SCAPER: variants seen among roughly 807,000 people sequenced by gnomAD.
SCAPER encodes S phase cyclin A-associated protein in the endoplasmic reticulum.
SCAPER carries 98 observed loss-of-function variants against 182.2 expected under a neutral mutation model. The ratio of observed to expected loss-of-function variants is 0.54; its 90% CI spans 0.46 to 0.64. The LOEUF is 0.64. SCAPER is among the 30% of genes least tolerant of loss of function. The probability of loss-of-function intolerance (pLI) is 0.00; values close to 1 mark genes in which losing one functional copy is unlikely to be tolerated. For missense variants in SCAPER, 1,432 were observed against 1,690.0 expected, an observed-to-expected ratio of 0.85 and a Z score of 2.68; for synonymous variants, 605 against 564.6, an observed-to-expected ratio of 1.07 and a Z score of -1.01.
intron 23 of SCAPER, among the ~76,000 whole-genome samples, chr15:76,517,428 C>T (rs1261059259): frequency 1.3e-5 from 2 of 150,846 alleles, no homozygotes; most frequent in East Asian, 3.9e-4. Flanking sequence ...TGACTCACTG[C>T]AACCTCTGCC....
At chr15:76,513,670 T>C (rs157788) in intron 23 of SCAPER, among the ~76,000 whole-genome samples, 18,448 of 152,094 alleles carry the variant, frequency 0.12, 1,528 homozygotes, top group African/African-American at 0.24. Context: ...CTGATTACAT[T>C]TCTGGATGGC....
At chr15:76,862,005 T>C (rs2071915317) in intron 3 of SCAPER, 1 of 152,860 alleles carries the variant, frequency 6.5e-6, no homozygotes, top group South Asian at 2.1e-4. Context: ...ACTCACTCAC[T>C]GTCACGAGAA....
At position 76,837,230 on chromosome 15, in the gene SCAPER, A is replaced by G. The variant is rs574254315; in HGVS notation, c.393+4504T>C. ...GCCCCAATTAAAAAATGGGCAAAGGACATGGACACTTCTCAAACAAAGACA... is the reference window on the plus strand; with the variant it reads ...GCCCCAATTAAAAAATGGGCAAAGGGCATGGACACTTCTCAAACAAAGACA... On this transcript the variant is annotated intron_variant, in intron 5 of 31. Coordinates refer to ENST00000563290, the MANE Select transcript of SCAPER (RefSeq NM_020843.4). Among the ~76,000 whole-genome samples, 7 of 152,308 alleles carry G rather than the reference A, an allele frequency of 4.6e-5. No homozygotes were observed. The East Asian group carries it at 1.3e-3, about 29-fold the overall frequency.
At chr15:76,777,310 C>T (rs966828064) in intron 8 of SCAPER, among the ~76,000 whole-genome samples, 1 of 152,086 alleles carries the variant, frequency 6.6e-6, no homozygotes, top group Non-Finnish European at 1.5e-5. Context: ...AAGGCATTCA[C>T]AGATAAAAGA....
chr15:76,705,231 A>T (rs2059187465), intron 18 of SCAPER, among the ~76,000 whole-genome samples: 1 of 152,048 alleles, frequency 6.6e-6, no homozygotes, highest in Non-Finnish European at 1.5e-5. Flanking sequence ...AAAAATGATG[A>T]GTTCATGTCC....
At position 76,703,003 on chromosome 15, in the gene SCAPER, C is replaced by A; in HGVS notation, c.2248-1G>T. 6.5e-7 allele frequency: 1 copy of A among 1,541,310 alleles called. No homozygotes were observed. On this transcript the variant is annotated splice_acceptor_variant, in intron 18 of 31. Transcript: ENST00000563290. LOFTEE classifies it high-confidence loss of function. ...TGTGCCTTCGAATACTTTCATCATG[C>A]TGTAGATGAAGTCAAAGTGCAAGAA...
At chr15:76,724,288 G>T (rs1176980353) in intron 17 of SCAPER, among the ~76,000 whole-genome samples, 1 of 152,152 alleles carries the variant, frequency 6.6e-6, no homozygotes, top group African/African-American at 2.4e-5. Flanking sequence ...TTTCTGCCGA[G>T]AGATCAGCTG....
intron 24 of SCAPER, among the ~76,000 whole-genome samples, chr15:76,481,976 G>C (rs964058903): frequency 6.6e-6 from 1 of 152,140 alleles, no homozygotes; most frequent in Non-Finnish European, 1.5e-5. Context: ...TTGGAAGTTG[G>C]ATCCGGAGGC....
At chr15:76,619,994 C>T (rs886077668) in intron 22 of SCAPER, among the ~76,000 whole-genome samples, 49 of 152,146 alleles carry the variant, frequency 3.2e-4, no homozygotes, top group African/African-American at 1.1e-3. Context: ...AAGAATTGCC[C>T]GAACCTGGGA....
intron 20 of SCAPER, among the ~76,000 whole-genome samples, chr15:76,689,777 AT>A (rs1392838125): frequency 1.3e-5 from 2 of 152,028 alleles, no homozygotes; most frequent in Non-Finnish European, 2.9e-5. Context: ...TGCTTACAAG[AT>A]TATAAAATGC....
Position 76,413,152 on chromosome 15 carries a change from T to C in SCAPER, c.3312-8473A>G, listed in dbSNP as rs143037190. On this transcript the variant is annotated intron_variant, in intron 26 of 31. Coordinates refer to ENST00000563290, the MANE Select transcript of SCAPER (RefSeq NM_020843.4). The stretch of plus-strand genomic sequence containing the variant: ...TTTCTTGGTAGATTACATAGTTTTC[T>C]ATACGTGCAATCATGAGACTGCAAA... Among the ~76,000 whole-genome samples, 10 of 152,326 alleles carry C rather than the reference T, an allele frequency of 6.6e-5. No individual in the cohort carries two copies. The East Asian group carries it at 1.7e-3, about 26-fold the overall frequency.
At position 76,561,021 on chromosome 15, in the gene SCAPER, A is replaced by AT. The variant is rs955259456; in HGVS notation, c.2838+13136dup. Among the ~76,000 whole-genome samples, 272 of 150,000 alleles carry AT rather than the reference A, an allele frequency of 1.8e-3. 2 individuals are homozygous for AT. The highest frequency in any genetic ancestry group is 4.2e-4 in the South Asian group (2 of 4,784). On this transcript the variant is annotated intron_variant, in intron 23 of 31. Coordinates refer to ENST00000563290, the MANE Select transcript of SCAPER (RefSeq NM_020843.4). ...GATCCATACACGGGCAATTTCTCTCATTTTTTTTTAGTGTCATTATTTCCG... is the reference window on the plus strand; with the variant it reads ...GATCCATACACGGGCAATTTCTCTCATTTTTTTTTTAGTGTCATTATTTCCG...
chr15:76,428,103 A>G (rs1362344105), intron 26 of SCAPER, among the ~76,000 whole-genome samples: 1 of 152,168 alleles, frequency 6.6e-6, no homozygotes, highest in Non-Finnish European at 1.5e-5. Context: ...AAACAAAACA[A>G]AACAAAACAA....
chr15:76,412,245 T>C (rs1196688750), intron 26 of SCAPER, among the ~76,000 whole-genome samples: 2 of 152,156 alleles, frequency 1.3e-5, no homozygotes, highest in Non-Finnish European at 2.9e-5. Flanking sequence ...TGGGGTTATA[T>C]GATACTGTAC....
chr15:76,371,467 G>T (rs568752457), intron 29 of SCAPER, among the ~76,000 whole-genome samples: 1 of 151,820 alleles, frequency 6.6e-6, no homozygotes, highest in Non-Finnish European at 1.5e-5. Flanking sequence ...TTATAGGCGT[G>T]TGCCACCACG....
intron 20 of SCAPER, among the ~76,000 whole-genome samples, chr15:76,682,264 T>TCCCCCCCCCCCCCCCCCCCCCCC (rs573661987): frequency 7.7e-6 from 1 of 130,518 alleles, no homozygotes; most frequent in Admixed American, 7.6e-5. Context: ...TCACCTCCCT[T>TCCCCCCCCCCCCCCCCCCCCCCC]CCCCCCCCCA....
chr15:76,637,090 C>T (rs548399491), intron 21 of SCAPER, among the ~76,000 whole-genome samples: 5 of 152,046 alleles, frequency 3.3e-5, no homozygotes, highest in African/African-American at 9.7e-5. Flanking sequence ...GCAGCCACCA[C>T]CACCACCACC....
rs527830336 is a variant in SCAPER at position 76,404,311 on chromosome 15, C to T, written c.3467+213G>A. Among the ~76,000 whole-genome samples, 53 of 151,740 alleles carry T rather than the reference C, an allele frequency of 3.5e-4. 1 individual carries two copies. The South Asian group carries it at 0.011, about 30-fold the overall frequency. ...AGCAATGACAGTCAAATTTATGACACCAACAAGAAAAAAAGACTGGTGAGA... is the reference window on the plus strand; with the variant it reads ...AGCAATGACAGTCAAATTTATGACATCAACAAGAAAAAAAGACTGGTGAGA... On this transcript the variant is annotated intron_variant, in intron 27 of 31. Transcript: ENST00000563290.
Position 76,620,304 on chromosome 15 carries a change from G to A in SCAPER, c.2711+1460C>T, listed in dbSNP as rs1899551. 3.4e-3 allele frequency among the ~76,000 whole-genome samples: 514 copies of A among 152,184 alleles called. 5 individuals are homozygous for A. Among genetic ancestry groups the A allele is most frequent in the African/African-American group, 0.011 (476 of 41,524 alleles). On this transcript the variant is annotated intron_variant, in intron 22 of 31. Transcript: ENST00000563290. ...AATGAGTTAGCACACATAGAGTCTA[G>A]CATAAGGTAATGGCTCAGTAAATGT...
Sources: gnomAD v4.1 joint callset for allele counts (sites outside exome capture counted in the v4.1 genomes callset) on GRCh38, gnomAD v4.1.1 for gene constraint, MANE v1.5 for transcripts, NCBI Gene and HGNC (gene_info 2026-07-23, HGNC 2026-07-21) for gene names.